MAGI1: variants seen among roughly 807,000 people sequenced by gnomAD.
MAGI1 encodes membrane-associated guanylate kinase, WW and PDZ domain-containing protein 1.
MAGI1 carries 58 observed loss-of-function variants against 139.9 expected under a neutral mutation model. The observed-to-expected ratio is 0.41, with a 90% CI of 0.34 to 0.52. The LOEUF is 0.52. MAGI1 is among the 20% of genes least tolerant of loss of function. MAGI1 has a pLI of 0.12. For synonymous variants in MAGI1, 812 were observed against 737.9 expected, an observed-to-expected ratio of 1.10 and a Z score of -1.63; for missense variants, 1,874 against 1,901.6, an observed-to-expected ratio of 0.99 and a Z score of 0.27.
chr3:66,017,290 G>A lies in MAGI1; in HGVS notation c.313+20706C>T, dbSNP rs545905946. On this transcript the variant is annotated intron_variant, in intron 1 of 22. Coordinates refer to ENST00000402939, the MANE Select transcript of MAGI1 (RefSeq NM_001033057.2). The stretch of plus-strand genomic sequence containing the variant: ...GTCTCAACACGCGCAGGGCGCGGCT[G>A]CAGATGGAAAAACCGGGAAGCTCCG... Among the ~76,000 whole-genome samples the A allele has an allele frequency of 2.6e-5, 4 of 152,346 alleles. No individual in the cohort carries two copies. In the South Asian group the frequency reaches 8.3e-4, roughly 32 times the overall value.
intron 12 of MAGI1, among the ~76,000 whole-genome samples, chr3:65,408,856 G>C (rs73127524): frequency 0.038 from 5,712 of 152,256 alleles, 143 homozygotes; most frequent in South Asian, 0.052. Context: ...TGACAGCCTA[G>C]GAACTGGCAT....
In MAGI1 at chr3:65,588,554, G is replaced by C. The variant is rs557002271; in HGVS notation, c.430+33418C>G. Among the ~76,000 whole-genome samples the C allele has an allele frequency of 1.6e-4, 24 of 152,294 alleles. No individual in the cohort carries two copies. In the East Asian group the frequency reaches 4.6e-3, roughly 29 times the overall value. ...GAAAGTCTCACTACTCTAATGGTGA[G>C]ATGGGCAGTTCAAATTCTATCTCTG... On this transcript the variant is annotated intron_variant, in intron 2 of 22. Coordinates refer to ENST00000402939, the MANE Select transcript of MAGI1 (RefSeq NM_001033057.2).
At chr3:65,838,553 G>T (rs2058703901) in intron 1 of MAGI1, among the ~76,000 whole-genome samples, 1 of 152,108 alleles carries the variant, frequency 6.6e-6, no homozygotes, top group African/African-American at 2.4e-5. Flanking sequence ...CCAAGTTATT[G>T]TGTATATCAA....
At chr3:65,714,216 G>A (rs929470566) in intron 1 of MAGI1, among the ~76,000 whole-genome samples, 1 of 152,182 alleles carries the variant, frequency 6.6e-6, no homozygotes, top group African/African-American at 2.4e-5. Context: ...TGCCTTGAGT[G>A]ACTCTTGTAG....
At chr3:65,811,256 T>C (rs1360169092) in intron 1 of MAGI1, among the ~76,000 whole-genome samples, 1 of 152,220 alleles carries the variant, frequency 6.6e-6, no homozygotes, top group African/African-American at 2.4e-5. Context: ...ACCCAGCCTC[T>C]ACTGACATGA....
At chr3:65,783,540 C>A (rs866251369) in intron 1 of MAGI1, among the ~76,000 whole-genome samples, 3 of 152,086 alleles carry the variant, frequency 2.0e-5, no homozygotes, top group Non-Finnish European at 4.4e-5. Flanking sequence ...ACCACCCAGG[C>A]TGGAGTGCAG....
intron 1 of MAGI1, among the ~76,000 whole-genome samples, chr3:66,027,986 G>A (rs1447351254): frequency 6.6e-6 from 1 of 152,208 alleles, no homozygotes; most frequent in African/African-American, 2.4e-5. Flanking sequence ...GGCACTAACT[G>A]ACGTACCTCC....
intron 1 of MAGI1, among the ~76,000 whole-genome samples, chr3:65,768,905 G>A (rs1182564689): frequency 2.0e-5 from 3 of 152,046 alleles, no homozygotes; most frequent in African/African-American, 2.4e-5. Context: ...AAACTCCAGG[G>A]ACAAAGCAAA....
chr3:65,810,105 A>G (rs926834735), intron 1 of MAGI1, among the ~76,000 whole-genome samples: 1 of 152,250 alleles, frequency 6.6e-6, no homozygotes, highest in African/African-American at 2.4e-5. Flanking sequence ...GAGCCAGTAC[A>G]TGAATTTATC....
At position 65,354,066 on chromosome 3, in the gene MAGI1, C is replaced by A. The variant is rs577934744; in HGVS notation, c.*2312G>T. The stretch of plus-strand genomic sequence containing the variant: ...ACCTTGATTTCATTTATTTAAAACT[C>A]TGGATCACAATTGAGAGCATCAGTC... On this transcript the variant is annotated 3_prime_UTR_variant, in exon 23 of 23. Coordinates refer to ENST00000402939, the MANE Select transcript of MAGI1 (RefSeq NM_001033057.2). 3 of 152,284 alleles carry A rather than the reference C, an allele frequency of 2.0e-5. No homozygotes were observed. In the South Asian group the frequency reaches 6.2e-4, roughly 32 times the overall value. 9.4% of individuals were successfully genotyped at this position (152,284 alleles called of 1,614,324 possible).
rs1951049855 is a variant in MAGI1, at chr3:65,478,597, A to G, written c.752T>C (p.Phe251Ser). The change falls in exon 4 of 23, where the codon TTT becomes TCT. Residue 251 changes from phenylalanine (F) to serine (S), a missense_variant. Coordinates refer to ENST00000402939, the MANE Select transcript of MAGI1 (RefSeq NM_001033057.2). ...EDDVPEMNSS[F>S]TADSGEQEEH... ...CAACATGATCTGACCTTTACCTGTA[A>G]AGCTGCTGTTCATTTCAGGAACGTC... is the stretch of plus-strand genomic sequence containing the variant. The G allele has an allele frequency of 6.2e-7, 1 of 1,613,716 alleles. No individual in the cohort carries two copies. The highest frequency in any genetic ancestry group is 1.7e-5 in the Admixed American group (1 of 59,966).
At chr3:65,803,070 C>T (rs2040618840) in intron 1 of MAGI1, among the ~76,000 whole-genome samples, 1 of 152,106 alleles carries the variant, frequency 6.6e-6, no homozygotes, top group African/African-American at 2.4e-5. Flanking sequence ...AACATCCTTG[C>T]CCATTTTTTT....
chr3:65,841,645 C>T (rs1231324946), intron 1 of MAGI1, among the ~76,000 whole-genome samples: 1 of 152,050 alleles, frequency 6.6e-6, no homozygotes, highest in Non-Finnish European at 1.5e-5. Context: ...CTAGGCTGAT[C>T]TTGAACTCCT....
At chr3:65,591,124 T>C (rs1229890676) in intron 2 of MAGI1, among the ~76,000 whole-genome samples, 3 of 152,104 alleles carry the variant, frequency 2.0e-5, no homozygotes, top group African/African-American at 7.2e-5. Context: ...TAAATCATGG[T>C]ACAGCAAAAT....
At chr3:65,523,408 A>AG (rs2078246746) in intron 2 of MAGI1, among the ~76,000 whole-genome samples, 1 of 148,430 alleles carries the variant, frequency 6.7e-6, no homozygotes. Flanking sequence ...AATTTTAAAA[A>AG]GGAAGAGAGG....
At position 65,846,964 on chromosome 3, in the gene MAGI1, A is replaced by G. The variant is rs542000589; in HGVS notation, c.313+191032T>C. Among the ~76,000 whole-genome samples, 4 of 124,250 alleles carry G rather than the reference A, an allele frequency of 3.2e-5. No individual in the cohort carries two copies. In the East Asian group the frequency reaches 6.6e-4, roughly 21 times the overall value. The allele number at this position is 124,250 out of a possible 152,430, so 81.5% of individuals were successfully genotyped here. On this transcript the variant is annotated intron_variant, in intron 1 of 22. Coordinates refer to ENST00000402939, the MANE Select transcript of MAGI1 (RefSeq NM_001033057.2). ...CTTGTCCTTTCAGATTACAAAGAAT[A>G]GCAATGTCTTACAAAAAAAAAAAAA...
At chr3:65,895,751 A>G (rs532118907) in intron 1 of MAGI1, among the ~76,000 whole-genome samples, 1 of 152,360 alleles carries the variant, frequency 6.6e-6, no homozygotes, top group Non-Finnish European at 1.5e-5. Context: ...ATTGAAAAAC[A>G]GTATTTATCA....
At chr3:65,437,519 G>A (rs1213245754) in intron 9 of MAGI1, among the ~76,000 whole-genome samples, 1 of 151,658 alleles carries the variant, frequency 6.6e-6, no homozygotes, top group Non-Finnish European at 1.5e-5. Flanking sequence ...GTTAAAAAAT[G>A]TCAGGAAAGA....
intron 2 of MAGI1, among the ~76,000 whole-genome samples, chr3:65,562,044 A>C (rs1355608272): frequency 6.6e-6 from 1 of 152,186 alleles, no homozygotes; most frequent in Non-Finnish European, 1.5e-5. Flanking sequence ...CTATTTTATT[A>C]ATAGTTGTTA....
Sources: allele counts gnomAD v4.1 joint callset (sites outside exome capture counted in the v4.1 genomes callset), GRCh38; gene constraint gnomAD v4.1.1; transcripts MANE v1.5; gene names NCBI Gene and HGNC (gene_info 2026-07-23, HGNC 2026-07-21).